MNS1: variants seen among roughly 807,000 people sequenced by gnomAD.
MNS1 encodes meiosis-specific nuclear structural protein 1.
In MNS1, 63 loss-of-function variants were observed where a neutral mutation model predicts 72.0. That is an observed-to-expected ratio of 0.87 (90% CI 0.71 to 1.08). The LOEUF is 1.08. Among genes scored for constraint, MNS1 ranks in the 50% least tolerant of loss-of-function variants. The pLI is 0.00. For synonymous variants in MNS1, 188 were observed against 172.1 expected (o/e 1.09, Z -0.72); for missense variants, 604 against 562.4 (o/e 1.07, Z -0.75).
intron 3 of MNS1, among the ~76,000 whole-genome samples, chr15:56,452,506 TTTG>T (rs1317160440): frequency 1.4e-5 from 2 of 147,678 alleles, no homozygotes; most frequent in Non-Finnish European, 3.0e-5. Flanking sequence ...TCCATATTGT[TTTG>T]TTTTCTTTTT....
chr15:56,446,681 C>G (rs1160432844), intron 4 of MNS1, among the ~76,000 whole-genome samples, 160 bp downstream of exon 4: 1 of 151,918 alleles, frequency 6.6e-6, no homozygotes, highest in Non-Finnish European at 1.5e-5. Flanking sequence ...AAAATGAAAT[C>G]ACGCAGGATT....
At chr15:56,451,160 A>G (rs975334897) in intron 3 of MNS1, among the ~76,000 whole-genome samples, 7 of 152,162 alleles carry the variant, frequency 4.6e-5, no homozygotes, top group African/African-American at 1.7e-4. Flanking sequence ...TTCTGGCCTA[A>G]ATGAGTTCTG....
chr15:56,434,935 A>G (rs756674299), intron 7 of MNS1, among the ~76,000 whole-genome samples: 11 of 152,118 alleles, frequency 7.2e-5, no homozygotes, highest in Admixed American at 1.3e-4. Context: ...GGAAATTCAA[A>G]TATAGTTGGA....
chr15:56,460,611 C>G (rs1258462032), intron 2 of MNS1, among the ~76,000 whole-genome samples: 3 of 152,166 alleles, frequency 2.0e-5, no homozygotes, highest in Admixed American at 6.5e-5. Context: ...TATGTGAATT[C>G]TCTACACTGT....
chr15:56,451,150 T>G (rs1392433014), intron 3 of MNS1, among the ~76,000 whole-genome samples: 1 of 152,242 alleles, frequency 6.6e-6, no homozygotes, highest in African/African-American at 2.4e-5. Context: ...CAATTTGTTC[T>G]TCTGGCCTAA....
intron 6 of MNS1, 35 bp downstream of exon 6, chr15:56,443,603 T>C: frequency 6.3e-7 from 1 of 1,593,390 alleles, no homozygotes; most frequent in Non-Finnish European, 8.5e-7. Flanking sequence ...TATTTCAGAA[T>C]TTTACTAGTG....
At chr15:56,461,095 G>C (rs1195712840) in intron 2 of MNS1, among the ~76,000 whole-genome samples, 1 of 152,162 alleles carries the variant, frequency 6.6e-6, no homozygotes, top group Admixed American at 6.5e-5. Context: ...TTATTCAAAA[G>C]AAGGTCAGTC....
At chr15:56,463,564 A>C (rs1427330835) in intron 2 of MNS1, among the ~76,000 whole-genome samples, 3 of 152,124 alleles carry the variant, frequency 2.0e-5, no homozygotes, top group African/African-American at 7.2e-5. Flanking sequence ...CGGGCGGATC[A>C]CGAGGTTAGG....
rs1199287113 is a variant in MNS1 at position 56,446,941 on chromosome 15, A to T, written c.356T>A (p.Ile119Asn). 3 of 1,604,268 alleles carry T rather than the reference A, an allele frequency of 1.9e-6. No homozygotes were observed. The Admixed American group carries it at 5.0e-5, about 27-fold the overall frequency. The change falls in exon 4 of 10, where the codon ATT becomes AAT. Residue 119 changes from isoleucine to asparagine, a missense_variant and splice_region_variant. By Grantham distance (149) the Ile-to-Asn change is moderately radical. Transcript: ENST00000260453. The stretch of plus-strand genomic sequence containing the variant: ...TTTCTTCTCCAATTCTCTAAGCTCA[A>T]TGCTGTTTAAAAAAACAAAAACAAA... ...KMRQQVRENS[I>N]ELRELEKKLK...
intron 8 of MNS1, among the ~76,000 whole-genome samples, chr15:56,433,723 G>C (rs2050664006): frequency 6.6e-6 from 1 of 152,102 alleles, no homozygotes; most frequent in Non-Finnish European, 1.5e-5. Flanking sequence ...TCAATCTTCA[G>C]TGGCTTCCCT....
At chr15:56,431,317 G>GTT (rs555590139) in intron 9 of MNS1, 56 bp downstream of exon 9, 1 of 1,576,952 alleles carries the variant, frequency 6.3e-7, no homozygotes, top group South Asian at 1.2e-5. Context: ...CAAATACCAT[G>GTT]TTTTTTTCAC....
intron 9 of MNS1, 131 bp downstream of exon 9, chr15:56,431,242 A>G (rs2050585434): frequency 1.0e-6 from 1 of 985,530 alleles, no homozygotes; most frequent in Non-Finnish European, 1.5e-6. Flanking sequence ...GTGCCTGGAC[A>G]GGAGGATCCC....
At chr15:56,434,068 T>C in intron 8 of MNS1, 70 bp downstream of exon 8, 1 of 1,474,040 alleles carries the variant, frequency 6.8e-7, no homozygotes, top group Non-Finnish European at 9.2e-7. Flanking sequence ...CAGTAAATGT[T>C]TAGTGGATGA....
intron 3 of MNS1, among the ~76,000 whole-genome samples, chr15:56,455,959 G>A (rs1189104128): frequency 9.9e-5 from 15 of 152,032 alleles, no homozygotes; most frequent in Non-Finnish European, 1.9e-4. Flanking sequence ...TAAAACAATG[G>A]GGGGGAAGAT....
At chr15:56,446,986 A>T in intron 3 of MNS1, 43 bp from the exon 4 acceptor site, 1 of 1,383,468 alleles carries the variant, frequency 7.2e-7, no homozygotes, top group Non-Finnish European at 1.0e-6. Flanking sequence ...TAGGACCATA[A>T]GAGAATGAAA....
At chr15:56,431,600 CTATT>C (rs1446838568) in intron 8 of MNS1, 102 bp from the exon 9 acceptor site, 25 of 1,075,864 alleles carry the variant, frequency 2.3e-5, no homozygotes, top group Non-Finnish European at 3.1e-5. Context: ...AATTGATGAA[CTATT>C]TATGACACTA....
Position 56,443,450 on chromosome 15 carries a change from T to A in MNS1, c.991A>T (p.Ile331Leu), listed in dbSNP as rs200722079. ...QELYQEEQAEIYKSKLKEEAE... is the reference protein window; with the variant it reads ...QELYQEEQAELYKSKLKEEAE... ...CTTACTTTTAGCTTGCTCTTATATATTTCAGCTTGTTCTTCCTGGTATAAT... is the reference window on the plus strand; with the variant it reads ...CTTACTTTTAGCTTGCTCTTATATAATTCAGCTTGTTCTTCCTGGTATAAT... Residue 331 changes from isoleucine to leucine, a missense_variant, in exon 7 of 10, where the codon ATA (isoleucine) becomes TTA (leucine). Ile to Leu is a conservative substitution (Grantham distance 5). Transcript: ENST00000260453. The A allele has an allele frequency of 1.3e-6, 2 of 1,587,954 alleles. No individual in the cohort carries two copies. The highest frequency in any genetic ancestry group is 4.5e-5 in the East Asian group (2 of 44,520).
chr15:56,464,195 TCTA>T lies in MNS1; in HGVS notation c.53_55del (p.Val18del), dbSNP rs762520907. The stretch of plus-strand genomic sequence containing the variant: ...ATGTAATTTTTTGCAGTAGTTTTCA[TCTA>T]CTAATTTCTGATGCCTTTCACTACA... On this transcript the variant is annotated inframe_deletion, in exon 2 of 10. Coordinates refer to ENST00000260453, the MANE Select transcript of MNS1 (RefSeq NM_018365.4). The T allele has an allele frequency of 5.6e-6, 9 of 1,613,950 alleles. No homozygotes were observed. In the South Asian group the frequency reaches 9.9e-5, roughly 18 times the overall value.
At chr15:56,449,856 T>C (rs2050936128) in intron 3 of MNS1, among the ~76,000 whole-genome samples, 1 of 152,230 alleles carries the variant, frequency 6.6e-6, no homozygotes, top group African/African-American at 2.4e-5. Context: ...TGCAATATCC[T>C]GCTATGGTCC....
Sources: gnomAD v4.1 joint callset for allele counts (sites outside exome capture counted in the v4.1 genomes callset) on GRCh38, gnomAD v4.1.1 for gene constraint, MANE v1.5 for transcripts, NCBI Gene and HGNC (gene_info 2026-07-23, HGNC 2026-07-21) for gene names.